Variants in ATXN10 observed in about 807,000 individuals in gnomAD.
ATXN10 encodes ataxin 10.
A neutral mutation model predicts 52.9 loss-of-function variants in ATXN10; 28 were observed. That is an observed-to-expected ratio of 0.53 (90% CI 0.39 to 0.73). ATXN10 has a LOEUF of 0.73. ATXN10 is among the 30% of genes least tolerant of loss of function. ATXN10 has a pLI of 0.00. For synonymous variants in ATXN10, 226 were observed against 221.5 expected (o/e 1.02, Z -0.18); for missense variants, 565 against 577.0 (o/e 0.98, Z 0.21).
rs957794464 is a variant in ATXN10 at position 45,840,153 on chromosome 22, A to T, written c.1238-2838A>T. 2.0e-5 allele frequency among the ~76,000 whole-genome samples: 3 copies of T among 152,214 alleles called. No individual in the cohort carries two copies. The highest frequency in any genetic ancestry group is 7.2e-5 in the African/African-American group (3 of 41,468). On this transcript the variant is annotated intron_variant, in intron 10 of 11. Transcript: ENST00000252934. This position sits in a 1 kb window ranked among gnomAD's most constrained non-coding sequence, Gnocchi z 5.8. ...CTATTCGGGAGGCTGAGGCAAGAGG[A>T]TCACTTGAGCCTAGGCTTTCAAGAC... is the stretch of plus-strand genomic sequence containing the variant.
At position 45,843,651 on chromosome 22, in the gene ATXN10, T is replaced by A; in HGVS notation, c.1426-18T>A. Reference sequence around the variant, plus strand: ...AGATTTGCTACATCTGCAATTTTGTTTCTTTCTTCTTCTTTAGTGAATGAA... The same window carrying A: ...AGATTTGCTACATCTGCAATTTTGTATCTTTCTTCTTCTTTAGTGAATGAA... On this transcript the variant is annotated intron_variant, in intron 11 of 11. Coordinates refer to ENST00000252934, the MANE Select transcript of ATXN10 (RefSeq NM_013236.4). The surrounding 1 kb of genome is among the most constrained non-coding windows in gnomAD (Gnocchi z 4.5). 1.2e-6 allele frequency: 2 copies of A among 1,611,588 alleles called. No individual in the cohort carries two copies. The highest frequency in any genetic ancestry group is 1.7e-6 in the Non-Finnish European group (2 of 1,178,382).
At chr22:45,729,941 G>A (rs1479456687) in intron 7 of ATXN10, among the ~76,000 whole-genome samples, 1 of 152,046 alleles carries the variant, frequency 6.6e-6, no homozygotes, top group Non-Finnish European at 1.5e-5. Flanking sequence ...GCTCTAGGAG[G>A]GCAGAAATTT....
At chr22:45,692,704 T>G (rs2146741496) in intron 2 of ATXN10, among the ~76,000 whole-genome samples, 1 of 152,316 alleles carries the variant, frequency 6.6e-6, no homozygotes, top group South Asian at 2.1e-4. Context: ...TGGGACTGTT[T>G]TTGCCAAGAA....
chr22:45,728,924 T>C lies in ATXN10; in HGVS notation c.729-501T>C, dbSNP rs1350001540. On this transcript the variant is annotated intron_variant, in intron 6 of 11. Coordinates refer to ENST00000252934, the MANE Select transcript of ATXN10 (RefSeq NM_013236.4). This position sits in a 1 kb window ranked among gnomAD's most constrained non-coding sequence, Gnocchi z 4.3. ...GAATCCTAGCTTAGACTCTCAGTGG[T>C]TTTGTGACACTGGACAAGTTAATTA... Among the ~76,000 whole-genome samples the C allele has an allele frequency of 6.6e-6, 1 of 152,164 alleles. No homozygotes were observed.
In ATXN10 at chr22:45,732,862, A is replaced by G. The variant is rs767175766; in HGVS notation, c.894+3272A>G. On this transcript the variant is annotated intron_variant, in intron 7 of 11. Coordinates refer to ENST00000252934, the MANE Select transcript of ATXN10 (RefSeq NM_013236.4). This position sits in a 1 kb window ranked among gnomAD's most constrained non-coding sequence, Gnocchi z 4.5. ...TTTACTCATTGGTGATCTTTTTAGG[A>G]CAAGATAGATATTCAGTAAAGTTCT... Among the ~76,000 whole-genome samples, 20 of 152,328 alleles carry G rather than the reference A, an allele frequency of 1.3e-4. No homozygotes were observed. Among genetic ancestry groups the G allele is most frequent in the Middle Eastern group, 3.4e-3 (1 of 294 alleles).
intron 9 of ATXN10, among the ~76,000 whole-genome samples, chr22:45,755,906 C>CCTGA (rs1366386030): frequency 6.6e-6 from 1 of 152,246 alleles, no homozygotes; most frequent in Middle Eastern, 3.4e-3. Flanking sequence ...CAATAGCTTG[C>CCTGA]CTGAGGTCAC....
At chr22:45,832,576 C>G (rs1027409528) in intron 10 of ATXN10, among the ~76,000 whole-genome samples, 38 of 152,240 alleles carry the variant, frequency 2.5e-4, no homozygotes, top group African/African-American at 8.9e-4. Flanking sequence ...GCCCCAAGGG[C>G]AGGGACTGGA....
intron 7 of ATXN10, among the ~76,000 whole-genome samples, chr22:45,736,667 A>C (rs1925309242): frequency 6.6e-6 from 1 of 152,176 alleles, no homozygotes. Flanking sequence ...GGTGGCACTT[A>C]ACATATTCTT....
chr22:45,685,305 T>A (rs183745508), intron 1 of ATXN10, among the ~76,000 whole-genome samples: 6 of 152,166 alleles, frequency 3.9e-5, no homozygotes, highest in African/African-American at 1.2e-4. Flanking sequence ...ATTCAAAGGA[T>A]TTTTTTGGTT....
intron 5 of ATXN10, among the ~76,000 whole-genome samples, chr22:45,703,766 C>G (rs1923930232): frequency 6.6e-6 from 1 of 152,168 alleles, no homozygotes; most frequent in East Asian, 1.9e-4. Context: ...CTGAGGAGGC[C>G]TTCTTGACTG....
chr22:45,785,137 A>G (rs920055047), intron 9 of ATXN10, among the ~76,000 whole-genome samples: 5 of 152,156 alleles, frequency 3.3e-5, no homozygotes, highest in African/African-American at 7.2e-5. Context: ...TGCTGCTGCC[A>G]TGGTTTACCC....
chr22:45,827,740 A>G (rs1928861733), intron 10 of ATXN10, among the ~76,000 whole-genome samples: 1 of 152,208 alleles, frequency 6.6e-6, no homozygotes, highest in African/African-American at 2.4e-5. Context: ...GACAGAAGGT[A>G]AGTAAGGAAA....
At position 45,845,129 on chromosome 22, in the gene ATXN10, C is replaced by G. The variant is rs1175803637; in HGVS notation, c.*1458C>G. The G allele has an allele frequency of 6.6e-6, 1 of 152,230 alleles. No homozygotes were observed. Among genetic ancestry groups the G allele is most frequent in the African/African-American group, 2.4e-5 (1 of 41,464 alleles). The allele number at this position is 152,230 out of a possible 1,614,324, so 9.4% of individuals were successfully genotyped here. Reference sequence around the variant, plus strand: ...TAAAGCTCTGTCCTCTAAATAGAAGCCTGGCCAAAGGGAGAAAACAGTGGG... The same window carrying G: ...TAAAGCTCTGTCCTCTAAATAGAAGGCTGGCCAAAGGGAGAAAACAGTGGG... On this transcript the variant is annotated 3_prime_UTR_variant, in exon 12 of 12. Transcript: ENST00000252934. This position sits in a 1 kb window ranked among gnomAD's most constrained non-coding sequence, Gnocchi z 4.7.
rs904238493 is a variant in ATXN10 at position 45,806,870 on chromosome 22, T to G, written c.1174-89T>G. Reference sequence around the variant, plus strand: ...GTGCAAACAATATTATAACATTGAGTAAGAAAACACAAAAGGAACAAGTCA... The same window carrying G: ...GTGCAAACAATATTATAACATTGAGGAAGAAAACACAAAAGGAACAAGTCA... On this transcript the variant is annotated intron_variant, in intron 9 of 11. Transcript: ENST00000252934. The G allele has an allele frequency of 4.8e-5, 48 of 1,005,978 alleles. No homozygotes were observed. The Middle Eastern group carries it at 8.3e-4, about 17-fold the overall frequency. 62.3% of individuals were successfully genotyped at this position (1,005,978 alleles called of 1,614,324 possible). A position where few individuals can be genotyped will look rare whatever the true frequency, so the allele number is the denominator to read the frequency against.
Position 45,843,893 on chromosome 22 carries a change from C to A in ATXN10, c.*222C>A, listed in dbSNP as rs1929429623. 48 of 594,728 alleles carry A rather than the reference C, an allele frequency of 8.1e-5. No homozygotes were observed. The South Asian group carries it at 9.6e-4, about 12-fold the overall frequency. 36.8% of individuals were successfully genotyped at this position (594,728 alleles called of 1,614,324 possible). On this transcript the variant is annotated 3_prime_UTR_variant, in exon 12 of 12. Coordinates refer to ENST00000252934, the MANE Select transcript of ATXN10 (RefSeq NM_013236.4). This position sits in a 1 kb window ranked among gnomAD's most constrained non-coding sequence, Gnocchi z 4.5. ...TGTAACTGTGTGGTTTGCCTTTGTCCCCCTGGATAGAACGTGCATTTAAAG... is the reference window on the plus strand; with the variant it reads ...TGTAACTGTGTGGTTTGCCTTTGTCACCCTGGATAGAACGTGCATTTAAAG...
chr22:45,805,626 A>G lies in ATXN10; in HGVS notation c.1174-1333A>G, dbSNP rs1263005357. The stretch of plus-strand genomic sequence containing the variant: ...GTCGTTCAGATTTTCTGACTCCGTT[A>G]TAGGAAATGTCCAGAATAGGCAAAT... On this transcript the variant is annotated intron_variant, in intron 9 of 11. Transcript: ENST00000252934. The surrounding 1 kb of genome is among the most constrained non-coding windows in gnomAD (Gnocchi z 4.4). 2.0e-5 allele frequency among the ~76,000 whole-genome samples: 3 copies of G among 152,206 alleles called. No individual in the cohort carries two copies. Among genetic ancestry groups the G allele is most frequent in the Non-Finnish European group, 4.4e-5 (3 of 68,038 alleles).
chr22:45,719,065 T>TC (rs921806393), intron 6 of ATXN10, among the ~76,000 whole-genome samples: 3 of 151,706 alleles, frequency 2.0e-5, no homozygotes, highest in Non-Finnish European at 2.9e-5. Flanking sequence ...TTTTTTTTTT[T>TC]CCTAAACCTC....
In ATXN10 at chr22:45,770,947, T is replaced by A. The variant is rs2146840723; in HGVS notation, c.1173+30409T>A. Among the ~76,000 whole-genome samples, 1 of 152,268 alleles carries A rather than the reference T, an allele frequency of 6.6e-6. No individual in the cohort carries two copies. Among genetic ancestry groups the A allele is most frequent in the East Asian group, 1.9e-4 (1 of 5,176 alleles). ...GCCTTCTCAGAGAGAAGAACCCAGA[T>A]CCATCCTGGGAGCACTCGAGGCCAG... On this transcript the variant is annotated intron_variant, in intron 9 of 11. Coordinates refer to ENST00000252934, the MANE Select transcript of ATXN10 (RefSeq NM_013236.4). This position sits in a 1 kb window ranked among gnomAD's most constrained non-coding sequence, Gnocchi z 4.5.
intron 9 of ATXN10, among the ~76,000 whole-genome samples, chr22:45,747,956 G>C (rs947240243): frequency 4.0e-5 from 6 of 151,092 alleles, no homozygotes; most frequent in Non-Finnish European, 8.9e-5. Flanking sequence ...CCAGTTACTT[G>C]GTGGGGCCAA....
Sources: allele counts gnomAD v4.1 joint callset (sites outside exome capture counted in the v4.1 genomes callset), GRCh38; gene constraint gnomAD v4.1.1; non-coding constraint Gnocchi (gnomAD v3.1); transcripts MANE v1.5; gene names NCBI Gene and HGNC (gene_info 2026-07-23, HGNC 2026-07-21).